Variants in USP42 observed in about 807,000 individuals in gnomAD.
USP42 encodes the protein ubiquitin specific peptidase 42.
In USP42, 23 loss-of-function variants were observed where a neutral mutation model predicts 113.0. The ratio of observed to expected loss-of-function variants is 0.20; its 90% CI spans 0.15 to 0.29. The LOEUF is 0.29. Ranked by LOEUF, USP42 falls within the 10% of genes least tolerant of loss-of-function variation. USP42 has a pLI of 1.00. For missense variants in USP42, 2,174 were observed against 1,779.8 expected (o/e 1.22, Z -3.99); for synonymous variants, 933 against 699.0 (o/e 1.33, Z -5.28).
chr7:6,151,293 AAAT>A (rs530631394), intron 14 of USP42, among the ~76,000 whole-genome samples: 1 of 152,370 alleles, frequency 6.6e-6, no homozygotes, highest in Admixed American at 6.5e-5. Context: ...TTTGTTAAAA[AAAT>A]TGATTTCTTC....
In USP42 at chr7:6,154,628, G is replaced by A. The variant is rs376728655; in HGVS notation, c.3074G>A (p.Arg1025Gln). The change falls in exon 15 of 18, where the codon CGG becomes CAG. Residue 1025 changes from arginine to glutamine, a missense_variant. By Grantham distance (43) the Arg-to-Gln change is conservative (BLOSUM62 1). Transcript: ENST00000306177. Reference sequence around the variant, plus strand: ...TGCAGTCACCACCACTCCCGACACCGGAGCGGGGTGGAGCTGGACTGGGTC... The same window carrying A: ...TGCAGTCACCACCACTCCCGACACCAGAGCGGGGTGGAGCTGGACTGGGTC... ...GRCSHHHSRH[R>Q]SGVELDWVRH... is the part of the protein sequence containing the mutation. 1.9e-6 allele frequency: 3 copies of A among 1,600,902 alleles called. No homozygotes were observed. The highest frequency in any genetic ancestry group is 1.7e-5 in the Admixed American group (1 of 58,750).
chr7:6,115,642 A>G, intron 3 of USP42, 119 bp downstream of exon 3: 3 of 1,266,784 alleles, frequency 2.4e-6, no homozygotes, highest in Admixed American at 2.3e-5. Context: ...AAGTTGGTTT[A>G]TTCTTTTAGA....
chr7:6,116,406 G>A (rs1007702848), intron 3 of USP42: 1 of 168,708 alleles, frequency 5.9e-6, no homozygotes. Flanking sequence ...TCAGAATTTG[G>A]AACATCCGTT....
At chr7:6,137,692 AT>A (rs1781221626) in intron 4 of USP42, among the ~76,000 whole-genome samples, 1 of 149,598 alleles carries the variant, frequency 6.7e-6, no homozygotes, top group South Asian at 2.1e-4. Context: ...TTATTCATTT[AT>A]TTTTGAGATG....
rs1781813006 is a variant in USP42, at chr7:6,147,864, G to A, written c.1358G>A (p.Gly453Glu). Residue 453 changes from glycine (G) to glutamate (E), a missense_variant, in exon 12 of 18, where the codon GGA (glycine) becomes GAA (glutamate). Gly to Glu is a moderately conservative substitution (Grantham distance 98, BLOSUM62 -2). Coordinates refer to ENST00000306177, the MANE Select transcript of USP42 (RefSeq NM_032172.3). Reference protein sequence around the residue: ...TNKQAAPGFIGPQLPSHMIKN... With the variant: ...TNKQAAPGFIEPQLPSHMIKN... Reference sequence around the variant, plus strand: ...AAACAGGCTGCGCCAGGCTTTATCGGACCACAGCTTCCCTCTCACATGATA... The same window carrying A: ...AAACAGGCTGCGCCAGGCTTTATCGAACCACAGCTTCCCTCTCACATGATA... The A allele has an allele frequency of 9.3e-6, 15 of 1,612,052 alleles. No homozygotes were observed. Among genetic ancestry groups the A allele is most frequent in the Non-Finnish European group, 1.3e-5 (15 of 1,178,822 alleles).
chr7:6,124,242 T>A (rs1036850648), intron 3 of USP42, among the ~76,000 whole-genome samples: 2 of 152,072 alleles, frequency 1.3e-5, no homozygotes, highest in Non-Finnish European at 2.9e-5. Flanking sequence ...CTTTAACTTA[T>A]TTTTGTCTGT....
chr7:6,145,701 A>G (rs199566501), intron 10 of USP42, 45 bp downstream of exon 10: 7 of 1,578,370 alleles, frequency 4.4e-6, no homozygotes, highest in Admixed American at 3.7e-5. Flanking sequence ...CATACATGCT[A>G]TAAGACAGCA....
chr7:6,123,350 C>T (rs1038531147), intron 3 of USP42, among the ~76,000 whole-genome samples: 1 of 151,878 alleles, frequency 6.6e-6, no homozygotes, highest in Non-Finnish European at 1.5e-5. Context: ...TAGTGAGACC[C>T]TCTCTGTATA....
intron 3 of USP42, among the ~76,000 whole-genome samples, chr7:6,121,838 T>G (rs1217071393): frequency 5.3e-5 from 8 of 152,166 alleles, no homozygotes; most frequent in African/African-American, 2.4e-5. Flanking sequence ...TTTAAATTAT[T>G]TTTGTAGAGA....
chr7:6,156,042 G>A (rs748143474), intron 15 of USP42, among the ~76,000 whole-genome samples: 9 of 152,158 alleles, frequency 5.9e-5, no homozygotes, highest in Non-Finnish European at 1.3e-4. Flanking sequence ...CACCTGGCCT[G>A]TTTTTGTATT....
intron 4 of USP42, among the ~76,000 whole-genome samples, chr7:6,138,676 C>G (rs1176000234): frequency 6.6e-6 from 1 of 152,186 alleles, no homozygotes; most frequent in Non-Finnish European, 1.5e-5. Flanking sequence ...AGCAGGTGAG[C>G]ATCCCCACCT....
rs886216133 is a variant in USP42 at position 6,139,998 on chromosome 7, C to T, written c.657-130C>T. On this transcript the variant is annotated intron_variant, in intron 5 of 17. Coordinates refer to ENST00000306177, the MANE Select transcript of USP42 (RefSeq NM_032172.3). This position sits in a 1 kb window ranked among gnomAD's most constrained non-coding sequence, Gnocchi z 4.5. ...CTCTTGGGCTGCCACACGTGCCATC[C>T]TTTTATTTTCCATGGCTGTCCTGTT... The T allele has an allele frequency of 5.5e-6, 5 of 905,142 alleles. No individual in the cohort carries two copies. In the African/African-American group the frequency reaches 8.2e-5, roughly 15 times the overall value. 56.1% of individuals were successfully genotyped at this position (905,142 alleles called of 1,614,324 possible).
Position 6,156,755 on chromosome 7 carries a change from C to T in USP42, c.3643C>T (p.His1215Tyr). The change falls in exon 16 of 18, where the codon CAT becomes TAT. Residue 1215 changes from histidine to tyrosine, a missense_variant and splice_region_variant. His to Tyr is a moderately conservative substitution (Grantham distance 83). Transcript: ENST00000306177. ...GAATTCTGGCTTTTCCTTCTGCAGG[C>T]ATCAGCAGGACTCAGACCTCTCAGC... The part of the protein sequence containing the change: ...KDKHRDRDSR[H>Y]QQDSDLSAAC... 1 of 1,534,932 alleles carries T rather than the reference C, an allele frequency of 6.5e-7. No individual in the cohort carries two copies.
intron 2 of USP42, among the ~76,000 whole-genome samples, chr7:6,114,880 C>T (rs1158382617): frequency 4.0e-5 from 6 of 150,794 alleles, no homozygotes; most frequent in East Asian, 1.9e-4. Flanking sequence ...TTAGTAGAGA[C>T]GGGGTTTCAC....
At chr7:6,118,628 TGG>T (rs1780042566) in intron 3 of USP42, among the ~76,000 whole-genome samples, 9 of 152,218 alleles carry the variant, frequency 5.9e-5, no homozygotes, top group Admixed American at 5.9e-4. Flanking sequence ...CTTTTGTTTT[TGG>T]GTCAGTGGTC....
Position 6,159,415 on chromosome 7 carries a change from T to C in USP42, c.3944-35T>C, listed in dbSNP as rs1161898613. ...AGAGGCCCTGGCGATTTTGCAACCA[T>C]CATTAAAATCTCTTTCCTGACCTTT... is the stretch of plus-strand genomic sequence containing the variant. On this transcript the variant is annotated intron_variant, in intron 16 of 17. Transcript: ENST00000306177. This position sits in a 1 kb window ranked among gnomAD's most constrained non-coding sequence, Gnocchi z 4.1. The C allele has an allele frequency of 6.2e-7, 1 of 1,613,726 alleles. No homozygotes were observed. The highest frequency in any genetic ancestry group is 8.5e-7 in the Non-Finnish European group (1 of 1,179,816).
the USP42 span, among the ~76,000 whole-genome samples, chr7:6,088,423 T>G: frequency 8.3e-4 from 125 of 150,936 alleles, 8 homozygotes; most frequent in African/African-American, 3.0e-3. Flanking sequence ...GCCCAGCTAA[T>G]TTTTATATAT....
intron 5 of USP42, 29 bp from the exon 6 acceptor site, chr7:6,140,099 C>T (rs759332445): frequency 2.7e-5 from 44 of 1,607,216 alleles, no homozygotes; most frequent in Non-Finnish European, 3.6e-5. Flanking sequence ...CAAAGCTCTT[C>T]TCTCATGTCA....
chr7:6,097,274 T>C, the USP42 span, among the ~76,000 whole-genome samples: 1 of 151,002 alleles, frequency 6.6e-6, no homozygotes, highest in East Asian at 1.9e-4. Context: ...TGATGGAATG[T>C]CACCAGCTGG....
Sources: gnomAD v4.1 joint callset for allele counts (sites outside exome capture counted in the v4.1 genomes callset) on GRCh38, gnomAD v4.1.1 for gene constraint, Gnocchi (gnomAD v3.1) non-coding constraint, MANE v1.5 for transcripts, NCBI Gene and HGNC (gene_info 2026-07-23, HGNC 2026-07-21) for gene names.